Variants in LRSAM1 observed in about 807,000 individuals in gnomAD.
LRSAM1 encodes the protein leucine rich repeat and sterile alpha motif containing 1.
A neutral mutation model predicts 118.1 loss-of-function variants in LRSAM1; 96 were observed. That is an observed-to-expected ratio of 0.81 (90% CI 0.69 to 0.96). The LOEUF is 0.96. Ranked by LOEUF, LRSAM1 falls within the 40% of genes least tolerant of loss-of-function variation. The pLI is 0.00. For synonymous variants in LRSAM1, 322 were observed against 364.2 expected (o/e 0.88, Z 1.32); for missense variants, 804 against 915.5 (o/e 0.88, Z 1.57).
intron 3 of LRSAM1, 117 bp downstream of exon 3, chr9:127,454,716 CAGA>C: frequency 8.8e-7 from 1 of 1,132,156 alleles, no homozygotes. Flanking sequence ...CCCCCACCCA[CAGA>C]AGAAATATTT....
rs372048865 is a variant in LRSAM1, at chr9:127,462,675, G to T, written c.528+302G>T. ...GGGAACAACACAGTGAGGCCTGTCG[G>T]AGGAGGGTGGTGGGGAGGGAGAGCA... On this transcript the variant is annotated intron_variant, in intron 9 of 25. Coordinates refer to ENST00000300417, the MANE Select transcript of LRSAM1 (RefSeq NM_001005373.4). 2.6e-5 allele frequency among the ~76,000 whole-genome samples: 4 copies of T among 152,248 alleles called. 1 individual carries two copies. Among genetic ancestry groups the T allele is most frequent in the African/African-American group, 9.6e-5 (4 of 41,536 alleles).
At chr9:127,461,053 A>G in intron 7 of LRSAM1, 120 bp from the exon 8 acceptor site, 1 of 649,920 alleles carries the variant, frequency 1.5e-6, no homozygotes, top group Non-Finnish European at 2.8e-6. Flanking sequence ...ATGGGATTTC[A>G]CTATGTTGGC....
chr9:127,498,401 T>TG (rs1049735276), intron 24 of LRSAM1, among the ~76,000 whole-genome samples: 4 of 152,228 alleles, frequency 2.6e-5, no homozygotes, highest in South Asian at 2.1e-4. Flanking sequence ...CATCAGGAGT[T>TG]GGGGTCACCC....
rs1836455921 is a variant in LRSAM1 at position 127,502,953 on chromosome 9, C to T, written c.*54C>T. 8 of 1,553,618 alleles carry T rather than the reference C, an allele frequency of 5.1e-6. No homozygotes were observed. The highest frequency in any genetic ancestry group is 7.0e-6 in the Non-Finnish European group (8 of 1,150,246). On this transcript the variant is annotated 3_prime_UTR_variant, in exon 26 of 26. Coordinates refer to ENST00000300417, the MANE Select transcript of LRSAM1 (RefSeq NM_001005373.4). ...TAGCCCTGCCTCGGCCACTGTGAGC[C>T]CCGGGCTCCTGCTCAGCCTTGTGCC... is the stretch of plus-strand genomic sequence containing the variant.
intron 19 of LRSAM1, 21 bp from the exon 20 acceptor site, chr9:127,491,194 C>G (rs1835919888): frequency 1.2e-6 from 2 of 1,606,594 alleles, no homozygotes; most frequent in Non-Finnish European, 1.7e-6. Context: ...AAAAAAAAAC[C>G]CTGTCTCGTC....
chr9:127,480,069 T>C (rs1835482287), intron 14 of LRSAM1, 91 bp downstream of exon 14: 22 of 1,562,880 alleles, frequency 1.4e-5, no homozygotes, highest in South Asian at 3.4e-5. Context: ...CCTCACTGCC[T>C]CTGCCCCTGC....
chr9:127,482,139 T>A (rs1176528064), intron 15 of LRSAM1, among the ~76,000 whole-genome samples: 1 of 129,708 alleles, frequency 7.7e-6, no homozygotes, highest in East Asian at 2.2e-4. Context: ...TTTTAGTATA[T>A]CTTTTTTTTT....
intron 16 of LRSAM1, 36 bp from the exon 17 acceptor site, chr9:127,485,700 A>G: frequency 1.2e-6 from 2 of 1,606,014 alleles, no homozygotes; most frequent in Non-Finnish European, 1.7e-6. Context: ...AGGAGCAGCC[A>G]CTCCACTCAG....
chr9:127,490,041 C>T (rs1414868214), intron 19 of LRSAM1, among the ~76,000 whole-genome samples: 1 of 152,102 alleles, frequency 6.6e-6, no homozygotes, highest in African/African-American at 2.4e-5. Flanking sequence ...GACCCTCCCT[C>T]ATGTGACAAG....
chr9:127,472,944 C>T lies in LRSAM1; in HGVS notation c.620-857C>T, dbSNP rs528549251. ...CCTAGGGTGTGTGAGAGGGCACGAG[C>T]GCCCTAGGGTGCCTGGGAAGAGGTC... is the stretch of plus-strand genomic sequence containing the variant. On this transcript the variant is annotated intron_variant, in intron 10 of 25. Coordinates refer to ENST00000300417, the MANE Select transcript of LRSAM1 (RefSeq NM_001005373.4). 5.0e-4 allele frequency among the ~76,000 whole-genome samples: 76 copies of T among 152,254 alleles called. 1 individual carries two copies. Among genetic ancestry groups the T allele is most frequent in the African/African-American group, 7.5e-4 (31 of 41,558 alleles).
chr9:127,473,736 C>T (rs530966547), intron 10 of LRSAM1, 65 bp from the exon 11 acceptor site: 11 of 1,610,744 alleles, frequency 6.8e-6, no homozygotes, highest in African/African-American at 1.3e-5. Flanking sequence ...GCAGTGGGAG[C>T]GGGTGTCTCT....
At chr9:127,492,152 C>T (rs893794352) in intron 20 of LRSAM1, among the ~76,000 whole-genome samples, 1 of 152,200 alleles carries the variant, frequency 6.6e-6, no homozygotes, top group Admixed American at 6.5e-5. Flanking sequence ...CCCCTCCAGG[C>T]CTTCTTCCCC....
intron 19 of LRSAM1, among the ~76,000 whole-genome samples, chr9:127,490,833 A>G (rs557852255): frequency 6.6e-6 from 1 of 152,232 alleles, no homozygotes; most frequent in Admixed American, 6.5e-5. Context: ...GCGAGGGACA[A>G]GAGAACTTGA....
In LRSAM1 at chr9:127,497,324, G is replaced by T. The variant is rs916648278; in HGVS notation, c.1902G>T (p.Arg634Ser). ...RRVQELLDAA[R>S]IQPELKPPMG... ...TCCAGGAACTGCTGGATGCAGCCAG[G>T]ATCCAGCCAGGTACAAGCACAGCTC... Residue 634 changes from arginine (R) to serine (S), a missense_variant, in exon 24 of 26, where the codon AGG becomes AGT. By Grantham distance (110) the Arg-to-Ser change is moderately radical (BLOSUM62 -1). Coordinates refer to ENST00000300417, the MANE Select transcript of LRSAM1 (RefSeq NM_001005373.4). 6.2e-7 allele frequency: 1 copy of T among 1,612,272 alleles called. No individual in the cohort carries two copies. The highest frequency in any genetic ancestry group is 8.5e-7 in the Non-Finnish European group (1 of 1,179,860).
intron 17 of LRSAM1, 75 bp from the exon 18 acceptor site, chr9:127,487,601 C>T (rs1835777144): frequency 7.1e-7 from 1 of 1,408,906 alleles, no homozygotes; most frequent in East Asian, 2.4e-5. Flanking sequence ...TCTTGATCTC[C>T]TCCAAGGGGC....
chr9:127,476,105 G>A (rs1214535351), intron 11 of LRSAM1, among the ~76,000 whole-genome samples: 1 of 152,194 alleles, frequency 6.6e-6, no homozygotes, highest in Non-Finnish European at 1.5e-5. Context: ...GTATACCCAA[G>A]ATAAATGCTT....
rs537075932 is a variant in LRSAM1, at chr9:127,474,044, G to C, written c.750+113G>C. 1.5e-4 allele frequency: 233 copies of C among 1,516,556 alleles called. 4 individuals carry two copies. In the South Asian group the frequency reaches 2.7e-3, roughly 17 times the overall value. 93.9% of individuals were successfully genotyped at this position (1,516,556 alleles called of 1,614,324 possible). On this transcript the variant is annotated intron_variant, in intron 11 of 25. Transcript: ENST00000300417. ...CGGTGGTTCAGAGCTGCAGCTCCCA[G>C]ATTCCTCCATAGAACTAGAACTGGC...
intron 18 of LRSAM1, among the ~76,000 whole-genome samples, chr9:127,489,160 G>A (rs1451559269): frequency 6.6e-6 from 1 of 152,178 alleles, no homozygotes; most frequent in Non-Finnish European, 1.5e-5. Flanking sequence ...ATGCCTCTGA[G>A]TGTCACTCCC....
At chr9:127,496,330 T>C (rs1836143541) in intron 23 of LRSAM1, among the ~76,000 whole-genome samples, 1 of 152,220 alleles carries the variant, frequency 6.6e-6, no homozygotes, top group Non-Finnish European at 1.5e-5. Flanking sequence ...GCTGACCTGA[T>C]CAGACTGGAT....
Sources: allele counts gnomAD v4.1 joint callset (sites outside exome capture counted in the v4.1 genomes callset), GRCh38; gene constraint gnomAD v4.1.1; transcripts MANE v1.5; gene names NCBI Gene and HGNC (gene_info 2026-07-23, HGNC 2026-07-21).